Variants in IMMP2L observed in about 807,000 individuals in gnomAD.
IMMP2L encodes the protein mitochondrial inner membrane protease subunit 2.
Under a neutral mutation model 19.3 loss-of-function variants are expected in IMMP2L, and 18 were observed. The observed-to-expected ratio is 0.93, with a 90% CI of 0.64 to 1.38. The LOEUF is 1.38. Ranked by LOEUF, IMMP2L falls within the 40% of genes most tolerant of loss-of-function variation. IMMP2L has a pLI of 0.00. For synonymous variants in IMMP2L, 76 were observed against 73.0 expected, an observed-to-expected ratio of 1.04 and a Z score of -0.21; for missense variants, 233 against 218.2, an observed-to-expected ratio of 1.07 and a Z score of -0.43.
At chr7:111,332,731 T>C (rs1826000231) in intron 3 of IMMP2L, among the ~76,000 whole-genome samples, 1 of 152,026 alleles carries the variant, frequency 6.6e-6, no homozygotes, top group Non-Finnish European at 1.5e-5. Flanking sequence ...CAAATGCATG[T>C]GGAGCATCAC....
At chr7:110,683,412 CTTTTG>C (rs1792874336) in intron 5 of IMMP2L, among the ~76,000 whole-genome samples, 1 of 152,166 alleles carries the variant, frequency 6.6e-6, no homozygotes, top group Non-Finnish European at 1.5e-5. Context: ...CAGAAAAAAA[CTTTTG>C]TTTAGTGAAA....
chr7:111,288,569 A>G (rs1277831058), intron 3 of IMMP2L, among the ~76,000 whole-genome samples: 1 of 152,174 alleles, frequency 6.6e-6, no homozygotes, highest in Non-Finnish European at 1.5e-5. Flanking sequence ...AACTTAAACA[A>G]ATTTACCAGA....
At chr7:111,010,625 TC>T (rs1162509212) in intron 3 of IMMP2L, among the ~76,000 whole-genome samples, 1 of 152,106 alleles carries the variant, frequency 6.6e-6, no homozygotes, top group Non-Finnish European at 1.5e-5. Flanking sequence ...AATGTATAGA[TC>T]CAGGCCAAAC....
chr7:111,185,535 A>G (rs1409300925), intron 3 of IMMP2L, among the ~76,000 whole-genome samples: 2 of 152,168 alleles, frequency 1.3e-5, no homozygotes, highest in Non-Finnish European at 2.9e-5. Flanking sequence ...ACCTCAAAGG[A>G]TAAAAAGAAC....
At chr7:111,022,616 G>A (rs1039527307) in intron 3 of IMMP2L, among the ~76,000 whole-genome samples, 4 of 152,224 alleles carry the variant, frequency 2.6e-5, no homozygotes, top group African/African-American at 9.6e-5. Flanking sequence ...CTTTGCAAAT[G>A]TTGGAATAAA....
chr7:110,953,854 G>A (rs941263607), intron 4 of IMMP2L, among the ~76,000 whole-genome samples: 1 of 151,954 alleles, frequency 6.6e-6, no homozygotes, highest in Non-Finnish European at 1.5e-5. Context: ...TTTAATGATC[G>A]CCATTCTAAG....
chr7:110,993,053 G>A (rs545169793), intron 3 of IMMP2L, among the ~76,000 whole-genome samples: 10 of 152,184 alleles, frequency 6.6e-5, no homozygotes, highest in Non-Finnish European at 1.2e-4. Flanking sequence ...AATGTATATT[G>A]CACTTATTTT....
At chr7:111,234,962 AGTCT>A (rs1330278846) in intron 3 of IMMP2L, among the ~76,000 whole-genome samples, 1 of 152,114 alleles carries the variant, frequency 6.6e-6, no homozygotes, top group Non-Finnish European at 1.5e-5. Flanking sequence ...ACTTTAAAAG[AGTCT>A]GTAAGGGGAG....
chr7:110,865,645 C>G (rs1807907238), intron 5 of IMMP2L, among the ~76,000 whole-genome samples: 1 of 151,878 alleles, frequency 6.6e-6, no homozygotes, highest in South Asian at 2.1e-4. Flanking sequence ...AAAAGACACC[C>G]TCCTTCAAAA....
intron 3 of IMMP2L, among the ~76,000 whole-genome samples, chr7:111,361,743 A>C: frequency 6.6e-6 from 1 of 152,124 alleles, no homozygotes; most frequent in East Asian, 1.9e-4. Context: ...GTTCAGCTTT[A>C]TCATAACCTG....
chr7:111,484,982 T>A (rs1842506376), intron 3 of IMMP2L, among the ~76,000 whole-genome samples: 1 of 151,930 alleles, frequency 6.6e-6, no homozygotes, highest in Non-Finnish European at 1.5e-5. Flanking sequence ...GAGACAGGGT[T>A]TCACCGTGTT....
chr7:111,552,313 A>G (rs952608437), intron 1 of IMMP2L, among the ~76,000 whole-genome samples: 5 of 152,148 alleles, frequency 3.3e-5, no homozygotes, highest in Non-Finnish European at 5.9e-5. Context: ...TTTGAGACAG[A>G]GTCTCACTCT....
chr7:110,693,545 C>T (rs1210142411), intron 5 of IMMP2L, among the ~76,000 whole-genome samples: 1 of 152,114 alleles, frequency 6.6e-6, no homozygotes, highest in African/African-American at 2.4e-5. Flanking sequence ...TTGCTGTATC[C>T]TGAGTGCCTA....
chr7:111,316,953 G>A (rs1824171442), intron 3 of IMMP2L, among the ~76,000 whole-genome samples: 1 of 145,832 alleles, frequency 6.9e-6, no homozygotes, highest in Non-Finnish European at 1.5e-5. Context: ...GAGTTCAAGT[G>A]ATTCTCCTGC....
At chr7:111,281,286 A>G (rs1819854628) in intron 3 of IMMP2L, among the ~76,000 whole-genome samples, 1 of 151,842 alleles carries the variant, frequency 6.6e-6, no homozygotes, top group Admixed American at 6.6e-5. Context: ...AGAGAAGGAA[A>G]GAAAGAAGGA....
chr7:111,535,026 A>G (rs1300886129), intron 1 of IMMP2L, among the ~76,000 whole-genome samples: 1 of 152,162 alleles, frequency 6.6e-6, no homozygotes, highest in Non-Finnish European at 1.5e-5. Context: ...GCTGGGTGCA[A>G]ATGCAAGGAG....
At chr7:111,147,582 T>C (rs1432353742) in intron 3 of IMMP2L, among the ~76,000 whole-genome samples, 3 of 152,054 alleles carry the variant, frequency 2.0e-5, no homozygotes, top group Admixed American at 6.6e-5. Flanking sequence ...ATAGCTCCTT[T>C]CTCCTCTCAT....
At chr7:110,926,373 A>C (rs2129551113) in intron 4 of IMMP2L, among the ~76,000 whole-genome samples, 1 of 152,216 alleles carries the variant, frequency 6.6e-6, no homozygotes. Flanking sequence ...TTTAACCAAG[A>C]GAAATGGTTT....
intron 3 of IMMP2L, among the ~76,000 whole-genome samples, chr7:111,220,527 A>G (rs1275897652): frequency 6.6e-6 from 1 of 152,022 alleles, no homozygotes; most frequent in African/African-American, 2.4e-5. Flanking sequence ...TTAAATATTC[A>G]TTTGAGATAA....
Sources: allele counts gnomAD v4.1 joint callset (sites outside exome capture counted in the v4.1 genomes callset), GRCh38; gene constraint gnomAD v4.1.1; transcripts MANE v1.5; gene names NCBI Gene and HGNC (gene_info 2026-07-23, HGNC 2026-07-21).